GIMAP8: variants seen among roughly 807,000 people sequenced by gnomAD.
The protein encoded by GIMAP8 is GTPase IMAP family member 8.
A neutral mutation model predicts 35.6 loss-of-function variants in GIMAP8; 29 were observed. The observed-to-expected ratio is 0.81, with a 90% confidence interval of 0.61 to 1.11. The LOEUF is 1.11. GIMAP8 is among the 50% of genes most tolerant of loss of function. The pLI is 0.00. For synonymous variants in GIMAP8, 335 were observed against 308.7 expected (o/e 1.09, Z -0.89); for missense variants, 811 against 805.0 (o/e 1.01, Z -0.09).
chr7:150,474,616 G>A lies in GIMAP8; in HGVS notation c.1287G>A (p.Lys429=), dbSNP rs1259117960. ...GCATGGTGCATCAGAATGGGAACAA[G>A]CATTGTGTTTTCAGAGAAAAAGGTA... ...IESMVHQNGN[K]HCVFREKETL... Residue 429 remains lysine, a synonymous_variant, in exon 4 of 5, where the codon AAG becomes AAA. Coordinates refer to ENST00000307271, the MANE Select transcript of GIMAP8 (RefSeq NM_175571.4). 38 of 1,596,336 alleles carry A rather than the reference G, an allele frequency of 2.4e-5. No homozygotes were observed. The highest frequency in any genetic ancestry group is 3.2e-5 in the Non-Finnish European group (37 of 1,174,488).
rs1802305912 is a variant in GIMAP8 at position 150,478,917 on chromosome 7, A to G, written c.*1137A>G. 2 of 152,242 alleles carry G rather than the reference A, an allele frequency of 1.3e-5. No homozygotes were observed. Among genetic ancestry groups the G allele is most frequent in the South Asian group, 2.1e-4 (1 of 4,824 alleles). 9.4% of individuals were successfully genotyped at this position (152,242 alleles called of 1,614,324 possible). A position where few individuals can be genotyped will look rare whatever the true frequency, so the allele number is the denominator to read the frequency against. ...ATCTGGAACCTTCTTCTGGGTAGAT[A>G]CAGGATAAGATAGATACAGGGTAAA... On this transcript the variant is annotated 3_prime_UTR_variant, in exon 5 of 5. Coordinates refer to ENST00000307271, the MANE Select transcript of GIMAP8 (RefSeq NM_175571.4).
Position 150,477,757 on chromosome 7 carries a change from A to G in GIMAP8, c.1975A>G (p.Asn659Asp). The G allele has an allele frequency of 6.2e-7, 1 of 1,613,290 alleles. No homozygotes were observed. Residue 659 changes from asparagine to aspartate, a missense_variant, in exon 5 of 5, where the codon AAT becomes GAT. Transcript: ENST00000307271. ...EMSQAEKLLKNLIGILQ is the reference protein window; with the variant it reads ...EMSQAEKLLKDLIGILQ ...GTCCCAAGCCGAAAAACTCCTTAAA[A>G]ATTTAATAGGTATTTTACAATAGGT... is the stretch of plus-strand genomic sequence containing the variant.
intron 1 of GIMAP8, among the ~76,000 whole-genome samples, chr7:150,454,717 C>G (rs971557338): frequency 4.6e-5 from 7 of 152,196 alleles, no homozygotes; most frequent in African/African-American, 1.7e-4. Context: ...TTTATACAGA[C>G]ATTGTTCTCT....
intron 4 of GIMAP8, 88 bp downstream of exon 4, chr7:150,474,726 T>G: frequency 7.7e-6 from 7 of 908,332 alleles, no homozygotes; most frequent in Non-Finnish European, 1.1e-5. Flanking sequence ...TTCTTTTTTT[T>G]CTTTTTTTTT....
At position 150,470,746 on chromosome 7, in the gene GIMAP8, C is replaced by CTTTTTT. The variant is rs765100972; in HGVS notation, c.637-66_637-61dup. ...CATTCTGAATTAATACTTCAATTTC[C>CTTTTTT]TTTTTTTTTTTTTTTTTTTTTTCAG... is the stretch of plus-strand genomic sequence containing the variant. On this transcript the variant is annotated intron_variant, in intron 2 of 4. Transcript: ENST00000307271. 2.8e-5 allele frequency: 13 copies of CTTTTTT among 467,998 alleles called. 1 individual carries two copies. Among genetic ancestry groups the CTTTTTT allele is most frequent in the Admixed American group, 4.1e-5 (1 of 24,680 alleles). The allele number at this position is 467,998 out of a possible 1,614,324, so 29.0% of individuals were successfully genotyped here. A position where few individuals can be genotyped will look rare whatever the true frequency, so the allele number is the denominator to read the frequency against.
Position 150,477,709 on chromosome 7 carries a change from CTAAT to C in GIMAP8, c.1931_1934del (p.Ile644LysfsTer16). 6.2e-7 allele frequency: 1 copy of C among 1,614,132 alleles called. No individual in the cohort carries two copies. The highest frequency in any genetic ancestry group is 8.5e-7 in the Non-Finnish European group (1 of 1,180,038). On this transcript the variant is annotated frameshift_variant, in exon 5 of 5. Transcript: ENST00000307271. LOFTEE classifies it low-confidence loss of function (END_TRUNC). ...CCATACACAGGAGAACGTCAGCAAA[CTAAT>C]TAAAAATGTCCAGGAAATGTCCCAA...
In GIMAP8 at chr7:150,478,536, T is replaced by C. The variant is rs1802295190; in HGVS notation, c.*756T>C. 6.6e-6 allele frequency: 1 copy of C among 152,238 alleles called. No individual in the cohort carries two copies. Among genetic ancestry groups the C allele is most frequent in the African/African-American group, 2.4e-5 (1 of 41,460 alleles). 9.4% of individuals were successfully genotyped at this position (152,238 alleles called of 1,614,324 possible). On this transcript the variant is annotated 3_prime_UTR_variant, in exon 5 of 5. Coordinates refer to ENST00000307271, the MANE Select transcript of GIMAP8 (RefSeq NM_175571.4). ...CCAAAATCAGAGAATCTTGCAAAGT[T>C]CTGTAATTCTAAGTGTTGTTCTAGA... is the stretch of plus-strand genomic sequence containing the variant.
At position 150,452,308 on chromosome 7, in the gene GIMAP8, TGC is replaced by T. The variant is rs112748404; in HGVS notation, c.-29+1135_-29+1136del. Reference sequence around the variant, plus strand: ...TGTATGTGTGGTAGGAGTGTGCATGTGCGTGTGTGTATGTGGGTGTGTGTGTG... The same window carrying T: ...TGTATGTGTGGTAGGAGTGTGCATGTGTGTGTGTATGTGGGTGTGTGTGTG... On this transcript the variant is annotated intron_variant, in intron 1 of 4. Coordinates refer to ENST00000307271, the MANE Select transcript of GIMAP8 (RefSeq NM_175571.4). Among the ~76,000 whole-genome samples the T allele has an allele frequency of 1.0e-3, 156 of 149,044 alleles. 3 individuals carry two copies. The South Asian group carries it at 0.031, about 30-fold the overall frequency.
Position 150,479,285 on chromosome 7 carries a change from A to G in GIMAP8, c.*1505A>G, listed in dbSNP as rs1802314648. The G allele has an allele frequency of 6.6e-6, 1 of 152,224 alleles. No individual in the cohort carries two copies. The highest frequency in any genetic ancestry group is 2.4e-5 in the African/African-American group (1 of 41,450). 9.4% of individuals were successfully genotyped at this position (152,224 alleles called of 1,614,324 possible). On this transcript the variant is annotated 3_prime_UTR_variant, in exon 5 of 5. Transcript: ENST00000307271. ...GTGACACACAACTTACTCATGTAAC[A>G]AACCTGTGCATGTACCCCTTGAACC...
chr7:150,470,798 G>A, intron 2 of GIMAP8, 31 bp from the exon 3 acceptor site: 1 of 512,794 alleles, frequency 2.0e-6, no homozygotes, highest in South Asian at 2.6e-5. Context: ...TTTTAGATCT[G>A]TGTGCACTAT....
intron 1 of GIMAP8, among the ~76,000 whole-genome samples, chr7:150,457,613 T>TACAAAGCAA (rs1380490719): frequency 6.6e-6 from 1 of 152,192 alleles, no homozygotes; most frequent in East Asian, 1.9e-4. Context: ...ACATCATTTC[T>TACAAAGCAA]ACAAAGCAAT....
At chr7:150,476,170 C>T (rs1036764065) in intron 4 of GIMAP8, among the ~76,000 whole-genome samples, 6 of 152,188 alleles carry the variant, frequency 3.9e-5, no homozygotes, top group African/African-American at 9.7e-5. Context: ...TCAGCATAAA[C>T]AGGTTAATAA....
chr7:150,477,062 T>G (rs1802244830), intron 4 of GIMAP8, 30 bp from the exon 5 acceptor site: 1 of 1,556,840 alleles, frequency 6.4e-7, no homozygotes. Flanking sequence ...CAGCCCATGG[T>G]CACGAATCTT....
chr7:150,462,929 T>C (rs1458508842), intron 1 of GIMAP8, among the ~76,000 whole-genome samples: 1 of 152,216 alleles, frequency 6.6e-6, no homozygotes, highest in East Asian at 1.9e-4. Flanking sequence ...ACATAGATTT[T>C]CTGTGACTTT....
In GIMAP8 at chr7:150,463,288, A is replaced by G. The variant is rs558587505; in HGVS notation, c.-28-3383A>G. Among the ~76,000 whole-genome samples, 370 of 151,634 alleles carry G rather than the reference A, an allele frequency of 2.4e-3. 2 individuals carry two copies. The highest frequency in any genetic ancestry group is 8.4e-3 in the African/African-American group (346 of 41,320). On this transcript the variant is annotated intron_variant, in intron 1 of 4. Coordinates refer to ENST00000307271, the MANE Select transcript of GIMAP8 (RefSeq NM_175571.4). ...ATTGTCAATCTGTGTTCTCTTTTAT[A>G]TTGTTGATGTTCCTTAAGATCATTA...
chr7:150,470,998 G>T, intron 3 of GIMAP8, 124 bp downstream of exon 3: 1 of 744,934 alleles, frequency 1.3e-6, no homozygotes, highest in Non-Finnish European at 2.3e-6. Flanking sequence ...ACCTAGCTGA[G>T]GTTGGTTCCC....
At position 150,477,679 on chromosome 7, in the gene GIMAP8, T is replaced by TGG; in HGVS notation, c.1897_1898insGG (p.Tyr633TrpfsTer12). Reference sequence around the variant, plus strand: ...GAGAAAAGAAAGTGGGTGGTCCGGGTATCCCCATACACAGGAGAACGTCAG... The same window carrying TGG: ...GAGAAAAGAAAGTGGGTGGTCCGGGTGGATCCCCATACACAGGAGAACGTCAG... On this transcript the variant is annotated frameshift_variant, in exon 5 of 5. Coordinates refer to ENST00000307271, the MANE Select transcript of GIMAP8 (RefSeq NM_175571.4). LOFTEE classifies it low-confidence loss of function (END_TRUNC). 3 of 1,614,152 alleles carry TGG rather than the reference T, an allele frequency of 1.9e-6. No homozygotes were observed. Among genetic ancestry groups the TGG allele is most frequent in the Non-Finnish European group, 2.5e-6 (3 of 1,180,012 alleles).
In GIMAP8 at chr7:150,479,081, A is replaced by G. The variant is rs569330407; in HGVS notation, c.*1301A>G. Reference sequence around the variant, plus strand: ...TGCCATTAATACTTTTGGATTCCATATAACCCTTAACACAATAACTTCTAG... The same window carrying G: ...TGCCATTAATACTTTTGGATTCCATGTAACCCTTAACACAATAACTTCTAG... On this transcript the variant is annotated 3_prime_UTR_variant, in exon 5 of 5. Transcript: ENST00000307271. The G allele has an allele frequency of 6.6e-6, 1 of 152,354 alleles. No homozygotes were observed. Among genetic ancestry groups the G allele is most frequent in the South Asian group, 2.1e-4 (1 of 4,822 alleles). 9.4% of individuals were successfully genotyped at this position (152,354 alleles called of 1,614,324 possible). A position where few individuals can be genotyped will look rare whatever the true frequency, so the allele number is the denominator to read the frequency against.
intron 2 of GIMAP8, among the ~76,000 whole-genome samples, 164 bp downstream of exon 2, chr7:150,467,498 G>T (rs1305922464): frequency 6.6e-6 from 1 of 152,058 alleles, no homozygotes; most frequent in Non-Finnish European, 1.5e-5. Context: ...AGATTTTAGG[G>T]TACTTTAATT....
Sources: gnomAD v4.1 joint callset for allele counts (sites outside exome capture counted in the v4.1 genomes callset) on GRCh38, gnomAD v4.1.1 for gene constraint, MANE v1.5 for transcripts, NCBI Gene and HGNC (gene_info 2026-07-23, HGNC 2026-07-21) for gene names.